EMCN: variants seen among roughly 807,000 people sequenced by gnomAD.
EMCN encodes endomucin, also known as MUC-14.
Under a neutral mutation model 38.4 loss-of-function variants are expected in EMCN, and 37 were observed. The observed-to-expected ratio is 0.96, with a 90% CI of 0.74 to 1.27. The LOEUF is 1.27. EMCN is among the 50% of genes most tolerant of loss of function. EMCN has a pLI of 0.00. For missense variants in EMCN, 318 were observed against 302.8 expected, an observed-to-expected ratio of 1.05 and a Z score of -0.37; for synonymous variants, 95 against 100.8, an observed-to-expected ratio of 0.94 and a Z score of 0.35.
intron 10 of EMCN, among the ~76,000 whole-genome samples, chr4:100,414,952 G>T (rs11097718): frequency 1.3e-5 from 2 of 151,968 alleles, no homozygotes; most frequent in Non-Finnish European, 2.9e-5. Context: ...CACCCAGGCT[G>T]GAGTGCCGTG....
intron 5 of EMCN, among the ~76,000 whole-genome samples, chr4:100,440,365 T>G (rs975773804): frequency 2.6e-5 from 4 of 152,124 alleles, no homozygotes; most frequent in Non-Finnish European, 4.4e-5. Context: ...GTACCTAATG[T>G]GCAGTTTGTA....
chr4:100,506,259 C>G (rs1266635042), intron 1 of EMCN, among the ~76,000 whole-genome samples: 1 of 152,120 alleles, frequency 6.6e-6, no homozygotes, highest in Non-Finnish European at 1.5e-5. Flanking sequence ...TGAGATTGAG[C>G]TGGCAAGCCT....
intron 3 of EMCN, among the ~76,000 whole-genome samples, chr4:100,471,167 T>C (rs1728467068): frequency 6.6e-6 from 1 of 151,758 alleles, no homozygotes; most frequent in Admixed American, 6.6e-5. Context: ...GTTTGTTCTT[T>C]GAAAAGATAT....
intron 11 of EMCN, among the ~76,000 whole-genome samples, chr4:100,409,429 C>T (rs139299245): frequency 1.3e-3 from 204 of 152,258 alleles, no homozygotes; most frequent in African/African-American, 4.6e-3. Context: ...GCAGGTTTAA[C>T]GTTGGCCTGA....
intron 1 of EMCN, among the ~76,000 whole-genome samples, chr4:100,486,249 T>C (rs1004021151): frequency 2.0e-5 from 3 of 152,094 alleles, no homozygotes; most frequent in Admixed American, 2.0e-4. Flanking sequence ...AAAAGCCAGA[T>C]AACTGAACAC....
At chr4:100,400,472 T>C (rs1726227423) in intron 11 of EMCN, among the ~76,000 whole-genome samples, 1 of 152,104 alleles carries the variant, frequency 6.6e-6, no homozygotes. Context: ...TAACACTATG[T>C]TATCATTTAC....
intron 1 of EMCN, among the ~76,000 whole-genome samples, chr4:100,491,925 G>C (rs529385049): frequency 5.3e-5 from 8 of 152,196 alleles, no homozygotes; most frequent in African/African-American, 1.9e-4. Context: ...AAGAACACCT[G>C]TGAAATTTAG....
chr4:100,440,694 C>T (rs1246620593), intron 5 of EMCN, among the ~76,000 whole-genome samples: 1 of 152,026 alleles, frequency 6.6e-6, no homozygotes, highest in Non-Finnish European at 1.5e-5. Context: ...GTTGGTTCCA[C>T]ATTTTTGCAG....
At chr4:100,430,464 C>A (rs1194134302) in intron 5 of EMCN, among the ~76,000 whole-genome samples, 1 of 152,140 alleles carries the variant, frequency 6.6e-6, no homozygotes, top group Admixed American at 6.6e-5. Context: ...AAACACTTTC[C>A]TTCAACAGGT....
chr4:100,416,132 C>A (rs1315270573), intron 9 of EMCN, among the ~76,000 whole-genome samples, 173 bp from the exon 10 acceptor site: 1 of 148,500 alleles, frequency 6.7e-6, no homozygotes, highest in East Asian at 1.9e-4. Context: ...ATATATATAT[C>A]TCCATGGCAA....
intron 4 of EMCN, 27 bp downstream of exon 4, chr4:100,465,396 C>G (rs201800101): frequency 1.5e-6 from 2 of 1,346,842 alleles, no homozygotes; most frequent in African/African-American, 2.9e-5. Flanking sequence ...ACTAGTTTAA[C>G]ACTTCAGCAC....
At chr4:100,454,339 G>T (rs1001930058) in intron 4 of EMCN, among the ~76,000 whole-genome samples, 2 of 151,718 alleles carry the variant, frequency 1.3e-5, no homozygotes, top group Non-Finnish European at 2.9e-5. Flanking sequence ...AAGGGTGGGG[G>T]ACCTTTGTTA....
intron 5 of EMCN, among the ~76,000 whole-genome samples, chr4:100,442,008 T>G (rs1727534057): frequency 6.6e-6 from 1 of 152,198 alleles, no homozygotes; most frequent in African/African-American, 2.4e-5. Flanking sequence ...TCATATGTAT[T>G]TATAATAGTA....
intron 11 of EMCN, among the ~76,000 whole-genome samples, chr4:100,408,844 A>G (rs1433260): frequency 0.18 from 27,391 of 152,170 alleles, 3,998 homozygotes; most frequent in East Asian, 0.77. Context: ...GGCCCAAGCT[A>G]GGGGCTCATG....
chr4:100,451,866 T>C (rs920025120), intron 4 of EMCN, among the ~76,000 whole-genome samples: 4 of 152,070 alleles, frequency 2.6e-5, no homozygotes, highest in African/African-American at 7.2e-5. Context: ...TATTTCTTTA[T>C]ATGATTTATC....
At chr4:100,509,655 T>G (rs1274466648) in intron 1 of EMCN, among the ~76,000 whole-genome samples, 3 of 152,190 alleles carry the variant, frequency 2.0e-5, no homozygotes, top group Non-Finnish European at 4.4e-5. Flanking sequence ...CAGTTAAAAA[T>G]AAATTCAATG....
intron 5 of EMCN, among the ~76,000 whole-genome samples, chr4:100,427,378 C>T (rs556215481): frequency 1.8e-3 from 268 of 152,040 alleles, no homozygotes; most frequent in South Asian, 2.5e-3. Context: ...CTCAAGTGAT[C>T]CTCCTGCTTC....
intron 9 of EMCN, 106 bp downstream of exon 9, chr4:100,417,011 A>T (rs1420400426): frequency 8.5e-7 from 1 of 1,173,270 alleles, no homozygotes; most frequent in Non-Finnish European, 1.3e-6. Flanking sequence ...CAATATGTAG[A>T]TTTTCTACAC....
At chr4:100,502,791 A>G (rs986861498) in intron 1 of EMCN, among the ~76,000 whole-genome samples, 5 of 152,304 alleles carry the variant, frequency 3.3e-5, no homozygotes, top group African/African-American at 1.2e-4. Context: ...ATCAGCAATA[A>G]ATATTAAATG....
Sources: gnomAD v4.1 joint callset for allele counts (sites outside exome capture counted in the v4.1 genomes callset) on GRCh38, gnomAD v4.1.1 for gene constraint, MANE v1.5 for transcripts, NCBI Gene and HGNC (gene_info 2026-07-23, HGNC 2026-07-21) for gene names.